CYP39A1: variants seen among roughly 807,000 people sequenced by gnomAD.
CYP39A1 encodes the protein 24-hydroxycholesterol 7-alpha-hydroxylase.
Under a neutral mutation model 58.1 loss-of-function variants are expected in CYP39A1, and 49 were observed. That is an observed-to-expected ratio of 0.84 (90% CI 0.67 to 1.07). CYP39A1 has a LOEUF of 1.07. CYP39A1 is among the 50% of genes least tolerant of loss of function. CYP39A1 has a pLI of 0.00. For missense variants in CYP39A1, 531 were observed against 539.4 expected (o/e 0.98, Z 0.16); for synonymous variants, 209 against 187.6 (o/e 1.11, Z -0.93).
Position 46,615,383 on chromosome 6 carries a change from A to C in CYP39A1, c.931+10035T>G, listed in dbSNP as rs79006030. ...ACAAATACACTCCTTGTCTATTCCC[A>C]GGCTAGTGACCCCTCGCTTAAAGAC... On this transcript the variant is annotated intron_variant, in intron 7 of 11. Transcript: ENST00000275016. 1.4e-3 allele frequency among the ~76,000 whole-genome samples: 207 copies of C among 152,136 alleles called. 1 individual carries two copies. The highest frequency in any genetic ancestry group is 4.7e-3 in the African/African-American group (197 of 41,508).
chr6:46,552,645 T>G (rs1264370958), intron 11 of CYP39A1, among the ~76,000 whole-genome samples: 3 of 152,148 alleles, frequency 2.0e-5, no homozygotes, highest in African/African-American at 7.2e-5. Flanking sequence ...CCAATTTAAA[T>G]AGCACCCTTT....
At chr6:46,620,741 T>G (rs1308541622) in intron 7 of CYP39A1, among the ~76,000 whole-genome samples, 2 of 152,246 alleles carry the variant, frequency 1.3e-5, no homozygotes, top group East Asian at 1.9e-4. Flanking sequence ...ATGGCCAACA[T>G]GCACACACAG....
rs150320689 is a variant in CYP39A1, at chr6:46,553,983, T to C, written c.1251-129A>G. 525 of 640,626 alleles carry C rather than the reference T, an allele frequency of 8.2e-4. 2 individuals carry two copies. In the African/African-American group the frequency reaches 8.7e-3, roughly 11 times the overall value. 39.7% of individuals were successfully genotyped at this position (640,626 alleles called of 1,614,324 possible). ...TTCTTTACAATATACTCTTTTCCTA[T>C]TTAAAGGACAGAGTAAGAACTTAAC... is the stretch of plus-strand genomic sequence containing the variant. On this transcript the variant is annotated intron_variant, in intron 10 of 11. Transcript: ENST00000275016.
At chr6:46,555,654 T>C (rs1023663470) in intron 10 of CYP39A1, among the ~76,000 whole-genome samples, 12 of 152,226 alleles carry the variant, frequency 7.9e-5, no homozygotes, top group African/African-American at 2.9e-4. Flanking sequence ...CCTTATAGAC[T>C]ACAGCCTTCA....
At position 46,642,342 on chromosome 6, in the gene CYP39A1, G is replaced by A. The variant is rs1463337709; in HGVS notation, c.178-44C>T. 1.9e-6 allele frequency: 3 copies of A among 1,572,520 alleles called. No homozygotes were observed. The African/African-American group carries it at 4.1e-5, about 21-fold the overall frequency. ...AGATTATATTAGTAAGCATTCCTAA[G>A]CCATGTTTAAGACCATTCTCCTCAA... is the stretch of plus-strand genomic sequence containing the variant. On this transcript the variant is annotated intron_variant, in intron 1 of 11. Transcript: ENST00000275016.
At chr6:46,560,433 T>C (rs1770913659) in intron 10 of CYP39A1, among the ~76,000 whole-genome samples, 1 of 152,162 alleles carries the variant, frequency 6.6e-6, no homozygotes, top group Non-Finnish European at 1.5e-5. Flanking sequence ...GTGAAGAATA[T>C]AAAGGAATCA....
At chr6:46,575,843 G>GATATGA (rs1771818461) in intron 10 of CYP39A1, among the ~76,000 whole-genome samples, 1 of 152,128 alleles carries the variant, frequency 6.6e-6, no homozygotes, top group Admixed American at 6.5e-5. Flanking sequence ...AAAATATCCA[G>GATATGA]ATATGAAGCC....
At chr6:46,626,626 A>T (rs1020122558) in intron 6 of CYP39A1, among the ~76,000 whole-genome samples, 2 of 152,196 alleles carry the variant, frequency 1.3e-5, no homozygotes, top group Non-Finnish European at 2.9e-5. Flanking sequence ...AAACGATGTG[A>T]ATAGGGGAAC....
intron 1 of CYP39A1, 52 bp from the exon 2 acceptor site, chr6:46,642,350 T>C: frequency 6.5e-7 from 1 of 1,533,240 alleles, no homozygotes; most frequent in African/African-American, 1.4e-5. Flanking sequence ...AAGCCATGTT[T>C]AAGACCATTC....
chr6:46,650,594 C>T (rs1762625026), intron 1 of CYP39A1, among the ~76,000 whole-genome samples: 1 of 139,824 alleles, frequency 7.2e-6, no homozygotes, highest in Non-Finnish European at 1.5e-5. Flanking sequence ...ATCTGGAACT[C>T]CTGAGCTCAA....
intron 1 of CYP39A1, 123 bp downstream of exon 1, chr6:46,652,283 C>G: frequency 1.0e-6 from 1 of 954,636 alleles, no homozygotes; most frequent in East Asian, 2.7e-5. Context: ...TGACTAGATC[C>G]TTTAGTTGAG....
At position 46,550,228 on chromosome 6, in the gene CYP39A1, C is replaced by A. The variant is rs149084917; in HGVS notation, c.*138G>T. 6.6e-4 allele frequency: 381 copies of A among 574,124 alleles called. 5 individuals are homozygous for A. The East Asian group carries it at 9.9e-3, about 15-fold the overall frequency. The allele number at this position is 574,124 out of a possible 1,614,324, so 35.6% of individuals were successfully genotyped here. ...CTGTTGAAGATACCAAACACATGCA[C>A]CATTTGAATGTGTTCTTGAACTAAG... On this transcript the variant is annotated 3_prime_UTR_variant, in exon 12 of 12. Coordinates refer to ENST00000275016, the MANE Select transcript of CYP39A1 (RefSeq NM_016593.5).
chr6:46,583,941 T>G (rs554237480), intron 10 of CYP39A1, among the ~76,000 whole-genome samples: 1 of 152,262 alleles, frequency 6.6e-6, no homozygotes, highest in Non-Finnish European at 1.5e-5. Flanking sequence ...CAGGCAACTT[T>G]CTCTGACTCA....
chr6:46,609,414 C>CA (rs940212245), intron 7 of CYP39A1, among the ~76,000 whole-genome samples: 928 of 62,090 alleles, frequency 0.015, 9 homozygotes, highest in African/African-American at 0.039. Context: ...GACTCCGTCT[C>CA]AAAAAAAAAA....
intron 10 of CYP39A1, among the ~76,000 whole-genome samples, chr6:46,581,257 T>A (rs367571790): frequency 2.9e-4 from 44 of 152,074 alleles, no homozygotes; most frequent in Middle Eastern, 6.8e-3. Flanking sequence ...AAATTTTTTT[T>A]AAAATTAGCT....
intron 4 of CYP39A1, among the ~76,000 whole-genome samples, 189 bp from the exon 5 acceptor site, chr6:46,636,671 G>A (rs1440147107): frequency 6.6e-6 from 1 of 152,322 alleles, no homozygotes; most frequent in Non-Finnish European, 1.5e-5. Context: ...GGGAGGCAGA[G>A]CAACTACATT....
chr6:46,618,568 AC>A (rs1774759056), intron 7 of CYP39A1, among the ~76,000 whole-genome samples: 1 of 152,176 alleles, frequency 6.6e-6, no homozygotes, highest in Non-Finnish European at 1.5e-5. Context: ...AAAATGCTTT[AC>A]AGAGATCAAA....
chr6:46,591,005 T>C (rs1772799421), intron 8 of CYP39A1, among the ~76,000 whole-genome samples: 1 of 152,190 alleles, frequency 6.6e-6, no homozygotes, highest in African/African-American at 2.4e-5. Flanking sequence ...ACATAGATTC[T>C]GTTAACACAG....
At chr6:46,578,078 C>T (rs557639415) in intron 10 of CYP39A1, among the ~76,000 whole-genome samples, 11 of 152,214 alleles carry the variant, frequency 7.2e-5, no homozygotes, top group African/African-American at 2.4e-4. Flanking sequence ...ACCAACCACA[C>T]TCTCAGACCA....
Sources: gnomAD v4.1 joint callset for allele counts (sites outside exome capture counted in the v4.1 genomes callset) on GRCh38, gnomAD v4.1.1 for gene constraint, MANE v1.5 for transcripts, NCBI Gene and HGNC (gene_info 2026-07-23, HGNC 2026-07-21) for gene names.